FIBCD1: variants seen among roughly 807,000 people sequenced by gnomAD.
FIBCD1 encodes fibrinogen C domain containing 1, also known as fibrinogen C domain-containing protein 1.
A neutral mutation model predicts 45.1 loss-of-function variants in FIBCD1; 47 were observed. The observed-to-expected ratio is 1.04, with a 90% CI of 0.82 to 1.33. The LOEUF (loss-of-function observed/expected upper bound fraction) is 1.33, where lower values mean the gene tolerates loss of function less well. Among genes scored for constraint, FIBCD1 ranks in the 40% most tolerant of loss-of-function variants. The pLI, the probability that FIBCD1 is intolerant of heterozygous loss-of-function variation, is 0.00. For synonymous variants in FIBCD1, 313 were observed against 308.1 expected (o/e 1.02, Z -0.17); for missense variants, 653 against 682.2 (o/e 0.96, Z 0.48).
At chr9:130,905,008 C>G (rs1018470058) in intron 6 of FIBCD1, among the ~76,000 whole-genome samples, 1 of 152,132 alleles carries the variant, frequency 6.6e-6, no homozygotes, top group Admixed American at 6.5e-5. Context: ...TTTACTCTTC[C>G]AATTTGAAAA....
chr9:130,924,447 G>C (rs987284690), intron 2 of FIBCD1, 51 bp from the exon 3 acceptor site: 1 of 1,527,390 alleles, frequency 6.5e-7, no homozygotes, highest in Non-Finnish European at 8.9e-7. Context: ...GTTGGGGGTG[G>C]GGTGGCGCAC....
chr9:130,907,614 A>G (rs748668656), intron 5 of FIBCD1, among the ~76,000 whole-genome samples: 2 of 152,190 alleles, frequency 1.3e-5, no homozygotes, highest in Non-Finnish European at 2.9e-5. Flanking sequence ...AAAACAGAAG[A>G]AAAGCCTGGG....
At chr9:130,905,536 C>A in intron 5 of FIBCD1, 123 bp from the exon 6 acceptor site, 2 of 1,010,398 alleles carry the variant, frequency 2.0e-6, no homozygotes. Context: ...CCACCAAGTG[C>A]GTGCAATCAG....
rs987035143 is a variant in FIBCD1 at position 130,922,429 on chromosome 9, G to A, written c.849+1315C>T. Among the ~76,000 whole-genome samples, 6 of 152,124 alleles carry A rather than the reference G, an allele frequency of 3.9e-5. No homozygotes were observed. Among genetic ancestry groups the A allele is most frequent in the East Asian group, 1.9e-4 (1 of 5,180 alleles). On this transcript the variant is annotated intron_variant, in intron 4 of 6. Coordinates refer to ENST00000372338, the MANE Select transcript of FIBCD1 (RefSeq NM_032843.5). The surrounding 1 kb of genome is among the most constrained non-coding windows in gnomAD (Gnocchi z 4.5). ...TCTAAGGATGTAGGTGGGCATCCCCGTTTCACAGCTGAGGAAACGGGGGCT... is the reference window on the plus strand; with the variant it reads ...TCTAAGGATGTAGGTGGGCATCCCCATTTCACAGCTGAGGAAACGGGGGCT...
chr9:130,938,907 C>T lies in FIBCD1; in HGVS notation c.-300G>A, dbSNP rs559708176. ...CGGCGCGCTCCTCTCTCTCCTCCCT[C>T]GTCCCTCCTCCCTCCTTCTCAATCT... On this transcript the variant is annotated 5_prime_UTR_variant, in exon 1 of 7. Coordinates refer to ENST00000372338, the MANE Select transcript of FIBCD1 (RefSeq NM_032843.5). 71 of 153,024 alleles carry T rather than the reference C, an allele frequency of 4.6e-4. No homozygotes were observed. Among genetic ancestry groups the T allele is most frequent in the South Asian group, 3.1e-3 (15 of 4,830 alleles). 9.5% of individuals were successfully genotyped at this position (153,024 alleles called of 1,614,324 possible). A position where few individuals can be genotyped will look rare whatever the true frequency, so the allele number is the denominator to read the frequency against.
rs779051331 is a variant in FIBCD1, at chr9:130,926,339, A to T, written c.553-1943T>A. On this transcript the variant is annotated intron_variant, in intron 2 of 6. Transcript: ENST00000372338. This position sits in a 1 kb window ranked among gnomAD's most constrained non-coding sequence, Gnocchi z 4.1. ...GATGATTAAAGTTGAAAATGTACAT[A>T]TAAACATGCCCCGAATTAATGGGGA... 6.6e-6 allele frequency among the ~76,000 whole-genome samples: 1 copy of T among 152,352 alleles called. No individual in the cohort carries two copies. The highest frequency in any genetic ancestry group is 2.4e-5 in the African/African-American group (1 of 41,586).
upstream of FIBCD1, among the ~76,000 whole-genome samples, chr9:130,939,849 G>A (rs2133134474): frequency 6.6e-6 from 1 of 152,026 alleles, no homozygotes; most frequent in South Asian, 2.1e-4. Context: ...TAATCTGCGC[G>A]GCGAACGAGC....
Position 130,938,888 on chromosome 9 carries a change from G to C in FIBCD1, c.-281C>G, listed in dbSNP as rs1396507655. On this transcript the variant is annotated 5_prime_UTR_variant, in exon 1 of 7. Transcript: ENST00000372338. The stretch of plus-strand genomic sequence containing the variant: ...CCCGGCTCCGGCGCCTCCCCGGCGC[G>C]CTCCTCTCTCTCCTCCCTCGTCCCT... 6.5e-6 allele frequency: 1 copy of C among 153,354 alleles called. No individual in the cohort carries two copies. The highest frequency in any genetic ancestry group is 2.4e-5 in the African/African-American group (1 of 41,432). The allele number at this position is 153,354 out of a possible 1,614,324, so 9.5% of individuals were successfully genotyped here. A position where few individuals can be genotyped will look rare whatever the true frequency, so the allele number is the denominator to read the frequency against.
intron 4 of FIBCD1, among the ~76,000 whole-genome samples, chr9:130,912,605 G>T (rs537904634): frequency 2.1e-4 from 32 of 152,026 alleles, no homozygotes; most frequent in African/African-American, 7.5e-4. Flanking sequence ...TACTGGGGAG[G>T]CTGAGGCAGG....
At chr9:130,908,623 C>G (rs1181178355) in intron 5 of FIBCD1, among the ~76,000 whole-genome samples, 1 of 152,138 alleles carries the variant, frequency 6.6e-6, no homozygotes, top group Non-Finnish European at 1.5e-5. Context: ...TTTCCTAAGC[C>G]TCAACTTCCT....
rs1832561376 is a variant in FIBCD1 at position 130,938,664 on chromosome 9, G to A, written c.-57C>T. Reference sequence around the variant, plus strand: ...AGGCGCGCCGCTGCGGAGCGCAAAGGAGACGGGGTGGGCGCGGGCGCGGGC... The same window carrying A: ...AGGCGCGCCGCTGCGGAGCGCAAAGAAGACGGGGTGGGCGCGGGCGCGGGC... On this transcript the variant is annotated 5_prime_UTR_variant, in exon 1 of 7. Transcript: ENST00000372338. 8.2e-7 allele frequency: 1 copy of A among 1,220,488 alleles called. No individual in the cohort carries two copies. The allele number at this position is 1,220,488 out of a possible 1,614,324, so 75.6% of individuals were successfully genotyped here. A position where few individuals can be genotyped will look rare whatever the true frequency, so the allele number is the denominator to read the frequency against.
chr9:130,935,906 G>A (rs7847893), intron 1 of FIBCD1, among the ~76,000 whole-genome samples: 5,810 of 152,224 alleles, frequency 0.038, 358 homozygotes, highest in African/African-American at 0.13. Context: ...CGGCGTCAGC[G>A]TTATGCTCCC....
chr9:130,937,498 A>T (rs530515990), intron 1 of FIBCD1, among the ~76,000 whole-genome samples: 2 of 152,336 alleles, frequency 1.3e-5, no homozygotes, highest in East Asian at 3.9e-4. Context: ...CGGCAGTGTC[A>T]CACCAGGAAG....
At chr9:130,918,404 GGA>G in intron 4 of FIBCD1, among the ~76,000 whole-genome samples, 1 of 152,218 alleles carries the variant, frequency 6.6e-6, no homozygotes. Flanking sequence ...TATGAGACTG[GGA>G]GAGAGGGTCT....
chr9:130,931,063 A>T (rs928010744), intron 1 of FIBCD1, among the ~76,000 whole-genome samples: 1 of 151,888 alleles, frequency 6.6e-6, no homozygotes, highest in Non-Finnish European at 1.5e-5. Flanking sequence ...TCCTTCCTCT[A>T]TCTCTTCACA....
intron 4 of FIBCD1, among the ~76,000 whole-genome samples, chr9:130,915,896 C>A (rs536359368): frequency 6.6e-6 from 1 of 152,202 alleles, no homozygotes; most frequent in Non-Finnish European, 1.5e-5. Flanking sequence ...CGCATCCAGA[C>A]TCCAGACTTA....
rs182364876 is a variant in FIBCD1, at chr9:130,917,753, G to A, written c.850-5865C>T. ...GTAGAGGATGACCACGGCCTTCCCC[G>A]CCACAGCCCTGGAGGGACGACTGGT... On this transcript the variant is annotated intron_variant, in intron 4 of 6. Coordinates refer to ENST00000372338, the MANE Select transcript of FIBCD1 (RefSeq NM_032843.5). 2.0e-3 allele frequency among the ~76,000 whole-genome samples: 311 copies of A among 152,274 alleles called. 1 individual carries two copies. Among genetic ancestry groups the A allele is most frequent in the South Asian group, 6.0e-3 (29 of 4,822 alleles).
chr9:130,910,876 G>C (rs1479911971), intron 5 of FIBCD1, among the ~76,000 whole-genome samples: 1 of 152,070 alleles, frequency 6.6e-6, no homozygotes, highest in Non-Finnish European at 1.5e-5. Context: ...TGCTCTGGTG[G>C]GGCCTTAGAG....
At chr9:130,924,510 T>C (rs949359958) in intron 2 of FIBCD1, 114 bp from the exon 3 acceptor site, 10 of 1,050,946 alleles carry the variant, frequency 9.5e-6, no homozygotes, top group Admixed American at 2.7e-5. Flanking sequence ...GGTGGGCTTC[T>C]GGCTCAAGGC....
Sources: gnomAD v4.1 joint callset for allele counts (sites outside exome capture counted in the v4.1 genomes callset) on GRCh38, gnomAD v4.1.1 for gene constraint, Gnocchi (gnomAD v3.1) non-coding constraint, MANE v1.5 for transcripts, NCBI Gene and HGNC (gene_info 2026-07-23, HGNC 2026-07-21) for gene names.